UGT1A6: variants seen among roughly 807,000 people sequenced by gnomAD.
UGT1A6 encodes UDP-glucuronosyltransferase 1A6.
A neutral mutation model predicts 44.4 loss-of-function variants in UGT1A6; 32 were observed. That is an observed-to-expected ratio of 0.72 (90% CI 0.54 to 0.97). The LOEUF is 0.97. UGT1A6 is among the 50% of genes least tolerant of loss of function. UGT1A6 has a pLI of 0.00. For synonymous variants in UGT1A6, 238 were observed against 248.5 expected (o/e 0.96, Z 0.40); for missense variants, 685 against 661.9 (o/e 1.03, Z -0.38).
chr2:233,737,036 C>T (rs2078836192), intron 1 of UGT1A6, among the ~76,000 whole-genome samples: 1 of 152,178 alleles, frequency 6.6e-6, no homozygotes, highest in Non-Finnish European at 1.5e-5. Flanking sequence ...TCTCAGAGCT[C>T]AAATGCCATA....
rs1297199305 is a variant in UGT1A6, at chr2:233,749,242, C to T, written c.862-17792C>T. 1.3e-5 allele frequency among the ~76,000 whole-genome samples: 2 copies of T among 151,678 alleles called. 1 individual carries two copies. Among genetic ancestry groups the T allele is most frequent in the Admixed American group, 1.3e-4 (2 of 15,250 alleles). ...TAAGCTTCATTTTTTAAAATCAAACCACATGATTTTTTTATTGGTGATTTT... is the reference window on the plus strand; with the variant it reads ...TAAGCTTCATTTTTTAAAATCAAACTACATGATTTTTTTATTGGTGATTTT... On this transcript the variant is annotated intron_variant, in intron 1 of 4. Transcript: ENST00000305139.
At chr2:233,729,653 T>C (rs781239546) in intron 1 of UGT1A6, 1 of 1,613,906 alleles carries the variant, frequency 6.2e-7, no homozygotes, top group East Asian at 2.2e-5. Flanking sequence ...TTGAGGAACA[T>C]TCCATGTGAT....
At chr2:233,730,703 G>A (rs1238430007) in intron 1 of UGT1A6, among the ~76,000 whole-genome samples, 8 of 152,058 alleles carry the variant, frequency 5.3e-5, no homozygotes, top group Non-Finnish European at 8.8e-5. Flanking sequence ...TCTTCTACTT[G>A]GAATGCTGAA....
At chr2:233,768,719 A>G (rs553176637) in intron 4 of UGT1A6, among the ~76,000 whole-genome samples, 366 of 149,864 alleles carry the variant, frequency 2.4e-3, no homozygotes, top group African/African-American at 8.5e-3. Flanking sequence ...TGTAGCTGGG[A>G]TTACAGGTGT....
Position 233,693,537 on chromosome 2 carries a change from T to C in UGT1A6, c.533T>C (p.Leu178Pro), listed in dbSNP as rs559606091. 4 of 1,614,218 alleles carry C rather than the reference T, an allele frequency of 2.5e-6. No homozygotes were observed. Among genetic ancestry groups the C allele is most frequent in the South Asian group, 2.2e-5 (2 of 91,086 alleles). Residue 178 changes from leucine (L) to proline (P), a missense_variant, in exon 1 of 5, where the codon CTG (leucine) becomes CCG (proline). Physicochemically the swap from Leu to Pro is moderately conservative, Grantham distance 98. Transcript: ENST00000305139. ...VYLFRGFPCSLEHTFSRSPDP... is the reference protein window; with the variant it reads ...VYLFRGFPCSPEHTFSRSPDP... ...CTCTTCAGGGGTTTTCCGTGTTCCC[T>C]GGAGCATACATTCAGCAGAAGCCCA...
At chr2:233,754,596 T>TA (rs1695527664) in intron 1 of UGT1A6, 1 of 431,834 alleles carries the variant, frequency 2.3e-6, no homozygotes, top group Middle Eastern at 3.5e-4. Flanking sequence ...TGAAGGACTT[T>TA]AACTCAACTC....
At chr2:233,729,792 C>T (rs370250320) in intron 1 of UGT1A6, 17 of 1,613,864 alleles carry the variant, frequency 1.1e-5, no homozygotes, top group Non-Finnish European at 1.3e-5. Flanking sequence ...CCCTGTCCTA[C>T]ATTTGCCATG....
chr2:233,743,207 A>C, intron 1 of UGT1A6: 1 of 394,578 alleles, frequency 2.5e-6, no homozygotes, highest in Non-Finnish European at 5.0e-6. Flanking sequence ...GTCAATGCGG[A>C]GTAACTGCTC....
At position 233,732,704 on chromosome 2, in the gene UGT1A6, T is replaced by A. The variant is rs2078302376; in HGVS notation, c.862-34330T>A. 3.3e-5 allele frequency among the ~76,000 whole-genome samples: 5 copies of A among 152,126 alleles called. No homozygotes were observed. In the South Asian group the frequency reaches 1.0e-3, roughly 31 times the overall value. On this transcript the variant is annotated intron_variant, in intron 1 of 4. Coordinates refer to ENST00000305139, the MANE Select transcript of UGT1A6 (RefSeq NM_001072.4). ...ACCAGCACCCATGCTGTTTTGTTAC[T>A]GTAGCCTTGTAGTACAGTTTGAAGT...
intron 1 of UGT1A6, chr2:233,756,419 A>G (rs760544825): frequency 6.6e-6 from 1 of 151,366 alleles, no homozygotes; most frequent in Non-Finnish European, 1.5e-5. Context: ...TATTATTTGT[A>G]CTGTTTTTTT....
Position 233,734,706 on chromosome 2 carries a change from A to G in UGT1A6, c.862-32328A>G, listed in dbSNP as rs368011286. 3.0e-4 allele frequency among the ~76,000 whole-genome samples: 45 copies of G among 151,692 alleles called. No individual in the cohort carries two copies. In the South Asian group the frequency reaches 8.6e-3, roughly 29 times the overall value. Reference sequence around the variant, plus strand: ...TTAAATGTGTCCCAGAGATTCTGGTATGTTGTGTCTTTGTTCTCGTCGGTT... The same window carrying G: ...TTAAATGTGTCCCAGAGATTCTGGTGTGTTGTGTCTTTGTTCTCGTCGGTT... On this transcript the variant is annotated intron_variant, in intron 1 of 4. Coordinates refer to ENST00000305139, the MANE Select transcript of UGT1A6 (RefSeq NM_001072.4).
intron 1 of UGT1A6, 98 bp from the exon 2 acceptor site, chr2:233,766,936 A>G: frequency 1.1e-5 from 18 of 1,586,086 alleles, no homozygotes; most frequent in Non-Finnish European, 1.5e-5. Context: ...GCCTTTAATC[A>G]TAGTCTTAAG....
chr2:233,732,710 C>T (rs1261368099), intron 1 of UGT1A6, among the ~76,000 whole-genome samples: 1 of 149,516 alleles, frequency 6.7e-6, no homozygotes, highest in Non-Finnish European at 1.5e-5. Flanking sequence ...TTACTGTAGC[C>T]TTGTAGTACA....
intron 1 of UGT1A6, chr2:233,729,455 T>G: frequency 2.5e-6 from 4 of 1,614,068 alleles, no homozygotes; most frequent in Non-Finnish European, 2.5e-6. Flanking sequence ...CTGAAGAAAT[T>G]TTTCAGAAGT....
Position 233,772,346 on chromosome 2 carries a change from GT to G in UGT1A6, c.1389del (p.Phe463LeufsTer2), listed in dbSNP as rs773231664. The G allele has an allele frequency of 6.2e-7, 1 of 1,614,250 alleles. No individual in the cohort carries two copies. Among genetic ancestry groups the G allele is most frequent in the South Asian group, 1.1e-5 (1 of 91,090 alleles). ...PLDLAVFWVE[F>X]VMRHKGAPHL... ...TGGACCTGGCCGTGTTCTGGGTGGA[GT>G]TTGTGATGAGGCACAAGGGCGCGCC... On this transcript the variant is annotated frameshift_variant, in exon 5 of 5. Transcript: ENST00000305139. LOFTEE classifies it high-confidence loss of function.
chr2:233,718,962 T>G (rs2011425), intron 1 of UGT1A6: 152,197 of 1,614,090 alleles, frequency 0.094, 8,216 homozygotes, highest in South Asian at 0.19. Context: ...GCGGGAGGCC[T>G]TGCGGGAGCT....
At chr2:233,729,533 C>T (rs746765589) in intron 1 of UGT1A6, 8 of 1,614,138 alleles carry the variant, frequency 5.0e-6, no homozygotes, top group South Asian at 3.3e-5. Context: ...CATAATGAGG[C>T]CCTGATCAGG....
chr2:233,715,985 CACA>C (rs577493897), intron 1 of UGT1A6, among the ~76,000 whole-genome samples: 32 of 152,180 alleles, frequency 2.1e-4, no homozygotes, highest in Non-Finnish European at 4.4e-4. Context: ...TGATTTAAAA[CACA>C]ACAAAACCCA....
chr2:233,699,542 A>G (rs572056106), intron 1 of UGT1A6, among the ~76,000 whole-genome samples: 2 of 152,328 alleles, frequency 1.3e-5, no homozygotes, highest in East Asian at 3.9e-4. Context: ...CATTCACATC[A>G]TAGAGCCAGG....
Sources: gnomAD v4.1 joint callset for allele counts (sites outside exome capture counted in the v4.1 genomes callset) on GRCh38, gnomAD v4.1.1 for gene constraint, MANE v1.5 for transcripts, NCBI Gene and HGNC (gene_info 2026-07-23, HGNC 2026-07-21) for gene names.